The following FN1 variants were observed in gnomAD, a reference collection of about 807,000 sequenced individuals.
FN1 encodes the protein fibronectin.
In FN1, 106 loss-of-function variants were observed where a neutral mutation model predicts 297.3. The observed-to-expected ratio is 0.36, with a 90% CI of 0.30 to 0.42. The LOEUF (loss-of-function observed/expected upper bound fraction) is 0.42, where lower values mean the gene tolerates loss of function less well. FN1 is among the 10% of genes least tolerant of loss of function. The pLI, the probability that FN1 is intolerant of heterozygous loss-of-function variation, is 1.00. For missense variants in FN1, 2,690 were observed against 3,124.9 expected, an observed-to-expected ratio of 0.86 and a Z score of 3.32; for synonymous variants, 1,149 against 1,152.6, an observed-to-expected ratio of 1.00 and a Z score of 0.06.
At chr2:215,405,486 G>A (rs1419588785) in intron 19 of FN1, among the ~76,000 whole-genome samples, 1 of 152,186 alleles carries the variant, frequency 6.6e-6, no homozygotes, top group Non-Finnish European at 1.5e-5. Flanking sequence ...GCTCACGCCT[G>A]TAATCCCAGC....
intron 20 of FN1, 150 bp from the exon 21 acceptor site, chr2:215,399,501 G>C: frequency 3.1e-6 from 2 of 655,324 alleles, no homozygotes; most frequent in South Asian, 3.4e-5. Context: ...TGAGAATTGG[G>C]AGAGGATCAG....
At chr2:215,394,786 C>G in intron 23 of FN1, 67 bp from the exon 24 acceptor site, 1 of 1,238,132 alleles carries the variant, frequency 8.1e-7, no homozygotes. Flanking sequence ...TTTAACTAGA[C>G]TCCAATGATG....
Position 215,393,055 on chromosome 2 carries a change from A to C in FN1, c.3945T>G (p.Phe1315Leu), listed in dbSNP as rs368426539. The C allele has an allele frequency of 1.6e-4, 258 of 1,613,978 alleles. No individual in the cohort carries two copies. Among genetic ancestry groups the C allele is most frequent in the Non-Finnish European group, 2.1e-4 (251 of 1,180,026 alleles). Residue 1315 changes from phenylalanine to leucine, a missense_variant, in exon 25 of 46, where the codon TTT becomes TTG. Transcript: ENST00000354785. ...TGTAGTATCCTACTGAGGAGTCCAC[A>C]AAATCTTCAAAAATAGGGATACCTT... The part of the protein sequence containing the change: ...AGEGIPIFED[F>L]VDSSVGYYTV...
chr2:215,433,419 C>G lies in FN1; in HGVS notation c.320G>C (p.Arg107Pro), dbSNP rs780865689. The G allele has an allele frequency of 1.7e-5, 28 of 1,614,008 alleles. No homozygotes were observed. The highest frequency in any genetic ancestry group is 2.3e-5 in the Non-Finnish European group (27 of 1,179,994). The change falls in exon 3 of 46, where the codon CGA becomes CCA. Residue 107 changes from arginine (R) to proline (P), a missense_variant. By Grantham distance (103) the Arg-to-Pro change is moderately radical. This residue lies in a region of FN1 where 876 missense variants were observed against 1,058.1 expected (regional missense o/e 0.83). Transcript: ENST00000354785. Reference protein sequence around the residue: ...CFDKYTGNTYRVGDTYERPKD... With the variant: ...CFDKYTGNTYPVGDTYERPKD... ...AGGACGCTCATAAGTGTCACCCACT[C>G]GGTAAGTGTTCCCAGTGTACTTGTC...
chr2:215,382,255 A>G lies in FN1; in HGVS notation c.5121T>C (p.Asn1707=). 2 of 1,614,006 alleles carry G rather than the reference A, an allele frequency of 1.2e-6. No homozygotes were observed. The highest frequency in any genetic ancestry group is 1.7e-6 in the Non-Finnish European group (2 of 1,179,858). ...VEYVVSVYAQ[N]PSGESQPLVQ... ...CCAGAGGCTGACTCTCTCCGCTTGG[A>G]TTCTGAGCATAGACACTAACCACAT... The change falls in exon 32 of 46, where the codon AAT becomes AAC. Residue 1707 remains asparagine (N), a synonymous_variant. Transcript: ENST00000354785.
At chr2:215,362,872 A>G (rs961624301) in intron 44 of FN1, 8 of 152,588 alleles carry the variant, frequency 5.2e-5, no homozygotes, top group African/African-American at 1.4e-4. Context: ...AAGCCAGTGC[A>G]TGGGAAGGCA....
At position 215,419,346 on chromosome 2, in the gene FN1, A is replaced by G. The variant is rs150405747; in HGVS notation, c.1715T>C (p.Ile572Thr). Residue 572 changes from isoleucine (I) to threonine (T), a missense_variant, in exon 12 of 46, where the codon ATT becomes ACT. Coordinates refer to ENST00000354785, the MANE Select transcript of FN1 (RefSeq NM_212482.4). The part of the protein sequence containing the change: ...QDSETGTFYQ[I>T]GDSWEKYVHG... Reference sequence around the variant, plus strand: ...CACATACTTCTCCCATGAATCTCCAATTTGATAAAACGTCCCAGTCTCTGA... The same window carrying G: ...CACATACTTCTCCCATGAATCTCCAGTTTGATAAAACGTCCCAGTCTCTGA... The G allele has an allele frequency of 2.3e-5, 37 of 1,613,362 alleles. No individual in the cohort carries two copies. The African/African-American group carries it at 4.1e-4, about 18-fold the overall frequency.
At chr2:215,397,873 C>T (rs2060492231) in intron 21 of FN1, 25 bp from the exon 22 acceptor site, 1 of 1,609,768 alleles carries the variant, frequency 6.2e-7, no homozygotes, top group Non-Finnish European at 8.5e-7. Flanking sequence ...GCAAAGTAAA[C>T]ACCAAGGACA....
At chr2:215,378,467 G>A (rs564443309) in intron 34 of FN1, among the ~76,000 whole-genome samples, 20 of 152,238 alleles carry the variant, frequency 1.3e-4, no homozygotes, top group African/African-American at 4.3e-4. Flanking sequence ...TGCTCTTAGC[G>A]GTTAAGCTTA....
intron 17 of FN1, 91 bp downstream of exon 17, chr2:215,408,017 T>C (rs1462888560): frequency 1.9e-5 from 17 of 897,504 alleles, no homozygotes; most frequent in Non-Finnish European, 2.9e-5. Context: ...AGATTTAAAG[T>C]GATATGCAGG....
Position 215,396,986 on chromosome 2 carries a change from A to G in FN1, c.3604+151T>C, listed in dbSNP as rs1015889500. On this transcript the variant is annotated intron_variant, in intron 23 of 45. Coordinates refer to ENST00000354785, the MANE Select transcript of FN1 (RefSeq NM_212482.4). ...ATTAAAGCATCCTGCAGGCTGCTCCATGATGTACATCATGTACTGCTATAG... is the reference window on the plus strand; with the variant it reads ...ATTAAAGCATCCTGCAGGCTGCTCCGTGATGTACATCATGTACTGCTATAG... 3 of 733,712 alleles carry G rather than the reference A, an allele frequency of 4.1e-6. No individual in the cohort carries two copies. In the Admixed American group the frequency reaches 5.4e-5, roughly 13 times the overall value. The allele number at this position is 733,712 out of a possible 1,614,324, so 45.5% of individuals were successfully genotyped here. A position where few individuals can be genotyped will look rare whatever the true frequency, so the allele number is the denominator to read the frequency against.
At chr2:215,363,165 AAC>A (rs1427725068) in intron 44 of FN1, 3 of 152,190 alleles carry the variant, frequency 2.0e-5, no homozygotes, top group African/African-American at 7.2e-5. Flanking sequence ...TGAGAAAGTG[AAC>A]AGTTTCCACT....
intron 28 of FN1, among the ~76,000 whole-genome samples, chr2:215,385,321 G>A (rs2058781840): frequency 6.6e-6 from 1 of 151,534 alleles, no homozygotes; most frequent in Non-Finnish European, 1.5e-5. Flanking sequence ...CAGCACTTTG[G>A]GAGGCCGAGG....
Position 215,408,000 on chromosome 2 carries a change from A to G in FN1, c.2518+108T>C. 5.2e-6 allele frequency: 4 copies of G among 776,390 alleles called. No homozygotes were observed. In the South Asian group the frequency reaches 5.4e-5, roughly 10 times the overall value. 48.1% of individuals were successfully genotyped at this position (776,390 alleles called of 1,614,324 possible). On this transcript the variant is annotated intron_variant, in intron 17 of 45. Coordinates refer to ENST00000354785, the MANE Select transcript of FN1 (RefSeq NM_212482.4). ...CACACAAACCCCTCTCCCATAAATTATATTGGAGATTTAAAGTGATATGCA... is the reference window on the plus strand; with the variant it reads ...CACACAAACCCCTCTCCCATAAATTGTATTGGAGATTTAAAGTGATATGCA...
At chr2:215,382,883 A>T (rs2058403729) in intron 31 of FN1, among the ~76,000 whole-genome samples, 1 of 152,220 alleles carries the variant, frequency 6.6e-6, no homozygotes, top group Non-Finnish European at 1.5e-5. Context: ...GAATGGGGAC[A>T]ATGATGACAT....
At chr2:215,363,020 TAC>T (rs1429256659) in intron 44 of FN1, 8 of 152,342 alleles carry the variant, frequency 5.3e-5, no homozygotes, top group African/African-American at 1.9e-4. Flanking sequence ...CCCTAAATAA[TAC>T]AGTCACTTTC....
At chr2:215,373,453 A>C (rs1373839759) in intron 38 of FN1, 42 bp from the exon 39 acceptor site, 1 of 1,531,520 alleles carries the variant, frequency 6.5e-7, no homozygotes, top group Non-Finnish European at 9.0e-7. Flanking sequence ...CAATGGGCTC[A>C]GCTAGTCAAG....
At chr2:215,433,256 GAC>G (rs1202300808) in intron 3 of FN1, 66 bp downstream of exon 3, 14 of 1,581,348 alleles carry the variant, frequency 8.9e-6, no homozygotes, top group Non-Finnish European at 1.2e-5. Flanking sequence ...AACAGAAAAT[GAC>G]AGTGATGGTA....
chr2:215,420,302 C>A (rs1287327587), intron 11 of FN1, among the ~76,000 whole-genome samples: 1 of 151,662 alleles, frequency 6.6e-6, no homozygotes, highest in African/African-American at 2.4e-5. Flanking sequence ...TTGTGCCATA[C>A]ACTCCAGCCT....
Sources: allele counts gnomAD v4.1 joint callset (sites outside exome capture counted in the v4.1 genomes callset), GRCh38; gene constraint gnomAD v4.1.1; regional missense constraint gnomAD v4.1.1; transcripts MANE v1.5; gene names NCBI Gene and HGNC (gene_info 2026-07-23, HGNC 2026-07-21).